The following PAX3 variants were observed in gnomAD, a reference collection of about 807,000 sequenced individuals.
PAX3 encodes paired box protein Pax-3.
Under a neutral mutation model 51.6 loss-of-function variants are expected in PAX3, and 14 were observed. The observed-to-expected ratio is 0.27, with a 90% CI of 0.18 to 0.42. The LOEUF is 0.42. Among genes scored for constraint, PAX3 ranks in the 10% least tolerant of loss-of-function variants. The pLI is 1.00. For missense variants in PAX3, 540 were observed against 642.8 expected, an observed-to-expected ratio of 0.84 and a Z score of 1.73; for synonymous variants, 280 against 253.4, an observed-to-expected ratio of 1.11 and a Z score of -1.00.
At chr2:222,266,462 C>T (rs1237031707) in intron 4 of PAX3, among the ~76,000 whole-genome samples, 4 of 151,604 alleles carry the variant, frequency 2.6e-5, no homozygotes, top group Non-Finnish European at 5.9e-5. Context: ...ACTAGACCCA[C>T]TCCCTGAAAG....
chr2:222,201,820 A>C, intron 8 of PAX3, 124 bp downstream of exon 8: 1 of 1,522,722 alleles, frequency 6.6e-7, no homozygotes, highest in Non-Finnish European at 8.9e-7. Flanking sequence ...GGCTTTGCAA[A>C]AAAAAAAAAA....
At chr2:222,270,790 C>T (rs1419454200) in intron 4 of PAX3, among the ~76,000 whole-genome samples, 1 of 152,206 alleles carries the variant, frequency 6.6e-6, no homozygotes, top group African/African-American at 2.4e-5. Flanking sequence ...AGCAGTTTCT[C>T]CCATACTAGT....
At chr2:222,239,672 G>A (rs999390792) in intron 4 of PAX3, among the ~76,000 whole-genome samples, 1 of 152,002 alleles carries the variant, frequency 6.6e-6, no homozygotes, top group African/African-American at 2.4e-5. Context: ...AAACAATTGT[G>A]AGTTGATAAA....
At chr2:222,288,977 A>C (rs1380910284) in intron 4 of PAX3, among the ~76,000 whole-genome samples, 1 of 152,250 alleles carries the variant, frequency 6.6e-6, no homozygotes, top group African/African-American at 2.4e-5. Context: ...TGGTATCAAC[A>C]AACAGCTACT....
At chr2:222,281,512 A>G (rs4674642) in intron 4 of PAX3, among the ~76,000 whole-genome samples, 77,452 of 152,102 alleles carry the variant, frequency 0.51, 20,472 homozygotes, top group Middle Eastern at 0.68. Context: ...TCACCTGTAT[A>G]GATAAAAGCA....
rs374778830 is a variant in PAX3, at chr2:222,280,126, G to C, written c.586+14041C>G. On this transcript the variant is annotated intron_variant, in intron 4 of 8. Coordinates refer to ENST00000392070, the MANE Select transcript of PAX3 (RefSeq NM_181458.4). ...CTCAGGAGGCTGAGACAGGAGAATT[G>C]CTTGAACGTGGGAGGTGGAGGTTGC... Among the ~76,000 whole-genome samples the C allele has an allele frequency of 7.2e-5, 11 of 152,182 alleles. No homozygotes were observed. In the East Asian group the frequency reaches 2.1e-3, roughly 29 times the overall value.
chr2:222,297,094 G>C lies in PAX3; in HGVS notation c.205C>G (p.Pro69Ala). The change falls in exon 2 of 9, where the codon CCC (proline) becomes GCC (alanine). Residue 69 changes from proline to alanine, a missense_variant. Around this residue, in one of 3 missense-constraint regions of PAX3, gnomAD observed 50 missense variants for 109.3 expected, o/e 0.46. Transcript: ENST00000392070. Reference protein sequence around the residue: ...IVEMAHHGIRPCVISRQLRVS... With the variant: ...IVEMAHHGIRACVISRQLRVS... The stretch of plus-strand genomic sequence containing the variant: ...CGCAGCTGGCGCGAGATGACGCAGG[G>C]CCGGATGCCGTGGTGGGCCATCTCC... 6.2e-7 allele frequency: 1 copy of C among 1,614,086 alleles called. No individual in the cohort carries two copies. Among genetic ancestry groups the C allele is most frequent in the Non-Finnish European group, 8.5e-7 (1 of 1,179,982 alleles).
intron 4 of PAX3, among the ~76,000 whole-genome samples, chr2:222,251,498 C>G (rs1300744240): frequency 6.6e-6 from 1 of 152,158 alleles, no homozygotes; most frequent in Non-Finnish European, 1.5e-5. Context: ...TTTTCTTAAT[C>G]CAGTCTATCA....
At chr2:222,231,304 C>T (rs1215921353) in intron 5 of PAX3, among the ~76,000 whole-genome samples, 6 of 152,154 alleles carry the variant, frequency 3.9e-5, no homozygotes, top group Admixed American at 2.0e-4. Flanking sequence ...TTCGAGGATA[C>T]CCTACGATAT....
chr2:222,297,158 G>A lies in PAX3; in HGVS notation c.141C>T (p.Asn47=). The part of the protein sequence containing the change: ...RVNQLGGVFI[N]GRPLPNHIRH... ...GGATGTGGTTGGGCAGCGGCCTGCCGTTGATAAAAACACCGCCGAGCTGGT... is the reference window on the plus strand; with the variant it reads ...GGATGTGGTTGGGCAGCGGCCTGCCATTGATAAAAACACCGCCGAGCTGGT... The change falls in exon 2 of 9, where the codon AAC becomes AAT. Residue 47 remains asparagine (N), a synonymous_variant. Coordinates refer to ENST00000392070, the MANE Select transcript of PAX3 (RefSeq NM_181458.4). The A allele has an allele frequency of 6.2e-7, 1 of 1,605,940 alleles. No homozygotes were observed. The highest frequency in any genetic ancestry group is 8.5e-7 in the Non-Finnish European group (1 of 1,176,592).
intron 4 of PAX3, among the ~76,000 whole-genome samples, chr2:222,262,353 AG>A (rs1693893525): frequency 6.6e-6 from 1 of 152,208 alleles, no homozygotes; most frequent in Admixed American, 6.5e-5. Flanking sequence ...AACAAAAAAA[AG>A]CATGACAATT....
At chr2:222,204,782 T>C (rs1406638591) in intron 7 of PAX3, among the ~76,000 whole-genome samples, 1 of 152,130 alleles carries the variant, frequency 6.6e-6, no homozygotes, top group Admixed American at 6.5e-5. Context: ...GAAAATAAAC[T>C]CTAAATTAAT....
At chr2:222,207,874 C>T (rs981966704) in intron 7 of PAX3, among the ~76,000 whole-genome samples, 5 of 151,814 alleles carry the variant, frequency 3.3e-5, no homozygotes, top group Admixed American at 2.6e-4. Context: ...TTAATATGCA[C>T]ATTTAGTTGT....
chr2:222,203,035 A>ATATG (rs1691367188), intron 7 of PAX3, among the ~76,000 whole-genome samples: 1 of 114,432 alleles, frequency 8.7e-6, no homozygotes, highest in Non-Finnish European at 1.7e-5. Context: ...ATATATATAT[A>ATATG]TATATATATA....
At chr2:222,246,166 G>A (rs1693221534) in intron 4 of PAX3, among the ~76,000 whole-genome samples, 1 of 152,162 alleles carries the variant, frequency 6.6e-6, no homozygotes, top group Admixed American at 6.5e-5. Context: ...TTGAGGCTGA[G>A]GATCTGACAA....
rs559622617 is a variant in PAX3, at chr2:222,252,417, A to G, written c.587-20134T>C. Among the ~76,000 whole-genome samples, 4 of 152,350 alleles carry G rather than the reference A, an allele frequency of 2.6e-5. No individual in the cohort carries two copies. The East Asian group carries it at 7.7e-4, about 29-fold the overall frequency. On this transcript the variant is annotated intron_variant, in intron 4 of 8. Coordinates refer to ENST00000392070, the MANE Select transcript of PAX3 (RefSeq NM_181458.4). ...TTATACCCCATTTTACAGATTGAAA[A>G]AACGAGGCTCAGAGAGGTTATATAC...
At chr2:222,249,455 C>T (rs1693343968) in intron 4 of PAX3, among the ~76,000 whole-genome samples, 1 of 152,150 alleles carries the variant, frequency 6.6e-6, no homozygotes. Flanking sequence ...CTTCCAGAGT[C>T]CTACATATTT....
At chr2:222,248,347 C>G (rs1464916311) in intron 4 of PAX3, among the ~76,000 whole-genome samples, 5 of 152,222 alleles carry the variant, frequency 3.3e-5, no homozygotes, top group Non-Finnish European at 7.3e-5. Context: ...GGCTCCCTCA[C>G]TGTCTGTGCT....
chr2:222,212,608 T>G (rs1033224750), intron 7 of PAX3, among the ~76,000 whole-genome samples: 1 of 141,674 alleles, frequency 7.1e-6, no homozygotes. Flanking sequence ...AGAGACAGAT[T>G]CTTTGGAAAA....
Sources: allele counts gnomAD v4.1 joint callset (sites outside exome capture counted in the v4.1 genomes callset), GRCh38; gene constraint gnomAD v4.1.1; regional missense constraint gnomAD v4.1.1; transcripts MANE v1.5; gene names NCBI Gene and HGNC (gene_info 2026-07-23, HGNC 2026-07-21).